KCNMB2: variants seen among roughly 807,000 people sequenced by gnomAD.
KCNMB2 encodes the protein potassium calcium-activated channel subfamily M regulatory beta subunit 2, also known as calcium-activated potassium channel subunit beta-2.
A neutral mutation model predicts 24.5 loss-of-function variants in KCNMB2; 9 were observed. That is an observed-to-expected ratio of 0.37 (90% CI 0.22 to 0.64). The LOEUF is 0.64. KCNMB2 is among the 30% of genes least tolerant of loss of function. The pLI, the probability that KCNMB2 is intolerant of heterozygous loss-of-function variation, is 0.63. For missense variants in KCNMB2, 226 were observed against 284.3 expected, an observed-to-expected ratio of 0.79 and a Z score of 1.47; for synonymous variants, 109 against 104.4, an observed-to-expected ratio of 1.04 and a Z score of -0.27.
At chr3:178,692,674 G>C (rs541186758) in intron 1 of KCNMB2, among the ~76,000 whole-genome samples, 2 of 152,282 alleles carry the variant, frequency 1.3e-5, no homozygotes, top group African/African-American at 4.8e-5. Context: ...AAGTTGGGTA[G>C]TGTGATGCCT....
intron 1 of KCNMB2, among the ~76,000 whole-genome samples, chr3:178,544,974 G>T (rs1242797061): frequency 2.6e-5 from 4 of 152,092 alleles, no homozygotes; most frequent in African/African-American, 9.7e-5. Context: ...GTCCCCTGAG[G>T]TAAAGCCATA....
intron 2 of KCNMB2, chr3:178,824,430 T>G (rs1039855403): frequency 1.3e-5 from 2 of 152,214 alleles, no homozygotes; most frequent in Admixed American, 6.5e-5. Flanking sequence ...TGCAGTGGCA[T>G]GATCTTGGCT....
At chr3:178,563,425 T>C (rs983622526) in intron 1 of KCNMB2, among the ~76,000 whole-genome samples, 3 of 152,176 alleles carry the variant, frequency 2.0e-5, no homozygotes, top group Non-Finnish European at 4.4e-5. Context: ...TATGAGACAG[T>C]ATTCTGATAA....
At chr3:178,551,452 A>G (rs1032340846) in intron 1 of KCNMB2, among the ~76,000 whole-genome samples, 1 of 152,172 alleles carries the variant, frequency 6.6e-6, no homozygotes, top group Non-Finnish European at 1.5e-5. Context: ...TGCAGGCCAC[A>G]CTGCCTGACC....
chr3:178,640,746 G>A (rs1343548380), intron 1 of KCNMB2, among the ~76,000 whole-genome samples: 1 of 152,084 alleles, frequency 6.6e-6, no homozygotes, highest in Non-Finnish European at 1.5e-5. Flanking sequence ...GTGCTTTGGG[G>A]GTTGTACTAA....
chr3:178,691,107 C>CTTTTTT (rs71181241), intron 1 of KCNMB2, among the ~76,000 whole-genome samples: 7,093 of 79,498 alleles, frequency 0.089, 1,281 homozygotes, highest in Non-Finnish European at 0.11. Flanking sequence ...CCCATTAAGT[C>CTTTTTT]TTTTTTTTTT....
chr3:178,819,188 C>T (rs182817631), intron 2 of KCNMB2, among the ~76,000 whole-genome samples: 4 of 152,196 alleles, frequency 2.6e-5, no homozygotes, highest in African/African-American at 4.8e-5. Flanking sequence ...TTAAGGAATG[C>T]CTGAAAAAGT....
At chr3:178,678,590 C>T (rs528880303) in intron 1 of KCNMB2, among the ~76,000 whole-genome samples, 2 of 152,304 alleles carry the variant, frequency 1.3e-5, no homozygotes, top group South Asian at 4.1e-4. Flanking sequence ...CTGATAACCT[C>T]ATTTCCGACA....
Position 178,614,113 on chromosome 3 carries a change from G to A in KCNMB2, c.-68+77402G>A, listed in dbSNP as rs371373432. 6.1e-5 allele frequency among the ~76,000 whole-genome samples: 9 copies of A among 148,088 alleles called. No homozygotes were observed. In the East Asian group the frequency reaches 1.6e-3, roughly 27 times the overall value. On this transcript the variant is annotated intron_variant, in intron 1 of 4. Transcript: ENST00000452583. Reference sequence around the variant, plus strand: ...AAGAATCTAGTGCATTCATTAGTATGCCGATAGCATTTTTCAACTCTAGAA... The same window carrying A: ...AAGAATCTAGTGCATTCATTAGTATACCGATAGCATTTTTCAACTCTAGAA...
intron 1 of KCNMB2, among the ~76,000 whole-genome samples, chr3:178,679,059 T>TTTTTTCTTG (rs1560162670): frequency 9.4e-5 from 14 of 148,546 alleles, no homozygotes; most frequent in African/African-American, 2.3e-4. Context: ...TTTGTTTTTG[T>TTTTTTCTTG]TTTTTTTATT....
At chr3:178,576,660 G>A (rs1173826150) in intron 1 of KCNMB2, among the ~76,000 whole-genome samples, 5 of 152,158 alleles carry the variant, frequency 3.3e-5, no homozygotes, top group Non-Finnish European at 7.3e-5. Context: ...GGTAGGGGGA[G>A]GGGCATCCAC....
intron 1 of KCNMB2, among the ~76,000 whole-genome samples, chr3:178,757,978 CAA>C (rs1367487489): frequency 1.5e-5 from 1 of 66,340 alleles, no homozygotes; most frequent in Non-Finnish European, 2.8e-5. Flanking sequence ...TATATAGACA[CAA>C]GAGGATATAT....
chr3:178,591,245 T>C (rs1717660316), intron 1 of KCNMB2, among the ~76,000 whole-genome samples: 1 of 152,204 alleles, frequency 6.6e-6, no homozygotes, highest in Non-Finnish European at 1.5e-5. Context: ...TTAAGATTAA[T>C]AAATACTCAT....
intron 1 of KCNMB2, among the ~76,000 whole-genome samples, chr3:178,794,868 C>G (rs1354804651): frequency 6.6e-6 from 1 of 152,084 alleles, no homozygotes; most frequent in Non-Finnish European, 1.5e-5. Context: ...GCCAAGGGGA[C>G]AAATGAGGCC....
intron 1 of KCNMB2, among the ~76,000 whole-genome samples, chr3:178,638,090 AG>A (rs1387861783): frequency 6.6e-6 from 1 of 152,160 alleles, no homozygotes; most frequent in African/African-American, 2.4e-5. Context: ...ACCTCGATTC[AG>A]ACCTCTCTGT....
chr3:178,602,705 CT>C (rs1718129182), intron 1 of KCNMB2, among the ~76,000 whole-genome samples: 1 of 152,054 alleles, frequency 6.6e-6, no homozygotes, highest in Non-Finnish European at 1.5e-5. Context: ...GAGTAAAGGA[CT>C]GTAGCTTAGT....
chr3:178,642,200 T>G (rs1327698257), intron 1 of KCNMB2, among the ~76,000 whole-genome samples: 1 of 152,244 alleles, frequency 6.6e-6, no homozygotes, highest in East Asian at 1.9e-4. Context: ...ATGGGATATT[T>G]TGACATTGGG....
chr3:178,766,221 C>CCT (rs1162269912), intron 1 of KCNMB2, among the ~76,000 whole-genome samples: 1 of 152,090 alleles, frequency 6.6e-6, no homozygotes, highest in Non-Finnish European at 1.5e-5. Context: ...TGAGATAGGG[C>CCT]CTTTCTCTGT....
intron 1 of KCNMB2, among the ~76,000 whole-genome samples, chr3:178,747,675 T>C (rs1026798524): frequency 3.9e-5 from 6 of 152,246 alleles, no homozygotes; most frequent in Non-Finnish European, 8.8e-5. Context: ...AATAACTGAC[T>C]TAGTCTTGTC....
Sources: allele counts gnomAD v4.1 joint callset (sites outside exome capture counted in the v4.1 genomes callset), GRCh38; gene constraint gnomAD v4.1.1; transcripts MANE v1.5; gene names NCBI Gene and HGNC (gene_info 2026-07-23, HGNC 2026-07-21).